Variants in NFILZ observed in about 807,000 individuals in gnomAD.
NFILZ encodes the protein NFIL3 like protein.
chr19:8,636,700 G>A (rs1472124542), intron 3 of NFILZ, among the ~76,000 whole-genome samples: 1 of 151,752 alleles, frequency 6.6e-6, no homozygotes, highest in Non-Finnish European at 1.5e-5. Flanking sequence ...CAGGTGATCA[G>A]CTTGCCTTGG....
chr19:8,666,290 G>A (rs1424293563), intron 3 of NFILZ, among the ~76,000 whole-genome samples: 3 of 151,680 alleles, frequency 2.0e-5, no homozygotes, highest in African/African-American at 7.3e-5. Flanking sequence ...TGCCATCACA[G>A]CTCATTGCAA....
intron 3 of NFILZ, among the ~76,000 whole-genome samples, chr19:8,645,628 C>T (rs1256734683): frequency 1.3e-5 from 2 of 152,136 alleles, no homozygotes; most frequent in African/African-American, 4.8e-5. Flanking sequence ...CTCCCTTTTT[C>T]TTTCTTGGGA....
At chr19:8,659,416 G>A (rs1166677828) in intron 3 of NFILZ, among the ~76,000 whole-genome samples, 1 of 152,124 alleles carries the variant, frequency 6.6e-6, no homozygotes, top group Admixed American at 6.6e-5. Context: ...GGGGGATAGA[G>A]GAATTAGGGG....
chr19:8,663,434 A>AC (rs1479057572), intron 3 of NFILZ, among the ~76,000 whole-genome samples: 3 of 26,338 alleles, frequency 1.1e-4, no homozygotes, highest in African/African-American at 2.8e-4. Flanking sequence ...GTGGAGGGGG[A>AC]GCTGGTGGTG....
intron 3 of NFILZ, among the ~76,000 whole-genome samples, chr19:8,645,352 T>G (rs1317257331): frequency 6.6e-6 from 1 of 150,952 alleles, no homozygotes; most frequent in African/African-American, 2.4e-5. Flanking sequence ...TTGCCCAGGC[T>G]GGTCTTCAAC....
At chr19:8,666,619 C>T (rs1555749837) in intron 3 of NFILZ, among the ~76,000 whole-genome samples, 1 of 152,108 alleles carries the variant, frequency 6.6e-6, no homozygotes, top group African/African-American at 2.4e-5. Context: ...ATCCCATGGC[C>T]AATATTGGCT....
chr19:8,646,722 C>G (rs759976466), intron 3 of NFILZ, among the ~76,000 whole-genome samples: 9 of 152,188 alleles, frequency 5.9e-5, no homozygotes, highest in Non-Finnish European at 1.3e-4. Flanking sequence ...CAGCCCTCAC[C>G]GAGCTCCTCT....
intron 2 of NFILZ, among the ~76,000 whole-genome samples, chr19:8,633,345 G>A (rs1189359697): frequency 2.6e-5 from 4 of 152,098 alleles, no homozygotes; most frequent in Non-Finnish European, 5.9e-5. Context: ...TAATAAGCTT[G>A]CTTTCACTTT....
rs951604711 is a variant in NFILZ, at chr19:8,680,748, G to A, written c.*3113G>A. Among the ~76,000 whole-genome samples, 2 of 152,182 alleles carry A rather than the reference G, an allele frequency of 1.3e-5. No individual in the cohort carries two copies. The highest frequency in any genetic ancestry group is 4.8e-5 in the African/African-American group (2 of 41,438). The stretch of plus-strand genomic sequence containing the variant: ...AATAGGGAGATCAGGATTGAAATAG[G>A]GGGATCTCAGCCTTGCTGAGAAAGT... On this transcript the variant is annotated 3_prime_UTR_variant, in exon 6 of 6. Transcript: ENST00000691075.
intron 3 of NFILZ, among the ~76,000 whole-genome samples, chr19:8,641,385 T>A (rs2042918459): frequency 6.6e-6 from 1 of 152,264 alleles, no homozygotes; most frequent in South Asian, 2.1e-4. Flanking sequence ...CTGGACCACA[T>A]ACTTGTTTAG....
At chr19:8,663,718 G>GTA (rs1600151745) in intron 3 of NFILZ, among the ~76,000 whole-genome samples, 2 of 145,142 alleles carry the variant, frequency 1.4e-5, no homozygotes, top group East Asian at 4.2e-4. Flanking sequence ...GTGTGTGTGT[G>GTA]TGTTTGTGTG....
At chr19:8,649,274 AT>A (rs34222003) in intron 3 of NFILZ, among the ~76,000 whole-genome samples, 7 of 147,100 alleles carry the variant, frequency 4.8e-5, no homozygotes, top group African/African-American at 1.5e-4. Context: ...CAATTAAGCA[AT>A]TTTTTTTTGA....
rs201771278 is a variant in NFILZ at position 8,647,587 on chromosome 19, C to CAA, written c.-164+11847_-164+11848dup. On this transcript the variant is annotated intron_variant, in intron 3 of 5. Coordinates refer to ENST00000691075, the MANE Select transcript of NFILZ (RefSeq NM_001378600.1). Reference sequence around the variant, plus strand: ...CATTCTGTCCCCGCACCCCCCCCCCCAAAAAAAGGGAACGAGATCATGTCC... The same window carrying CAA: ...CATTCTGTCCCCGCACCCCCCCCCCCAAAAAAAAAGGGAACGAGATCATGTCC... 4.2e-3 allele frequency among the ~76,000 whole-genome samples: 614 copies of CAA among 146,740 alleles called. 4 individuals carry two copies. Among genetic ancestry groups the CAA allele is most frequent in the African/African-American group, 0.014 (569 of 39,908 alleles).
Position 8,679,673 on chromosome 19 carries a change from G to A in NFILZ, c.*2038G>A, listed in dbSNP as rs1166395713. ...ACCTCCTCTACTTGCTCAGCCTTTGGTTCTGGTCCAGGGCAGGGATTGGGC... is the reference window on the plus strand; with the variant it reads ...ACCTCCTCTACTTGCTCAGCCTTTGATTCTGGTCCAGGGCAGGGATTGGGC... On this transcript the variant is annotated 3_prime_UTR_variant, in exon 6 of 6. Transcript: ENST00000691075. Among the ~76,000 whole-genome samples the A allele has an allele frequency of 1.3e-5, 2 of 152,186 alleles. No homozygotes were observed. The highest frequency in any genetic ancestry group is 2.4e-5 in the African/African-American group (1 of 41,544).
chr19:8,631,830 TTGTGTG>T (rs71179868), intron 1 of NFILZ, among the ~76,000 whole-genome samples: 226 of 146,004 alleles, frequency 1.5e-3, no homozygotes, highest in African/African-American at 4.9e-3. Flanking sequence ...GTCCTCGCTT[TTGTGTG>T]TGTGTGTGTG....
intron 4 of NFILZ, among the ~76,000 whole-genome samples, chr19:8,675,756 C>T (rs2043107575): frequency 6.6e-6 from 1 of 152,280 alleles, no homozygotes; most frequent in Admixed American, 6.5e-5. Context: ...GACAGTCAGA[C>T]CATGCCTCTA....
rs1555751265 is a variant in NFILZ at position 8,680,096 on chromosome 19, T to A, written c.*2461T>A. 6.7e-6 allele frequency among the ~76,000 whole-genome samples: 1 copy of A among 148,762 alleles called. No homozygotes were observed. The highest frequency in any genetic ancestry group is 1.5e-5 in the Non-Finnish European group (1 of 67,720). The stretch of plus-strand genomic sequence containing the variant: ...CTGTAATCTCAGCTACTTGGGAGGC[T>A]GAGGCATGAAAATCACTTGAACCCA... On this transcript the variant is annotated 3_prime_UTR_variant, in exon 6 of 6. Coordinates refer to ENST00000691075, the MANE Select transcript of NFILZ (RefSeq NM_001378600.1).
At chr19:8,666,391 G>T (rs1363964395) in intron 3 of NFILZ, among the ~76,000 whole-genome samples, 1 of 151,578 alleles carries the variant, frequency 6.6e-6, no homozygotes, top group Non-Finnish European at 1.5e-5. Context: ...GCCCAGGCTG[G>T]TCTTGAACTC....
Position 8,666,896 on chromosome 19 carries a change from G to A in NFILZ, c.-163-7655G>A, listed in dbSNP as rs1185826400. On this transcript the variant is annotated intron_variant, in intron 3 of 5. Coordinates refer to ENST00000691075, the MANE Select transcript of NFILZ (RefSeq NM_001378600.1). Reference sequence around the variant, plus strand: ...ACCAGAGGTGCACACCACCATGCCCGGCTAATTTTTGAAAACTTTTTTTTT... The same window carrying A: ...ACCAGAGGTGCACACCACCATGCCCAGCTAATTTTTGAAAACTTTTTTTTT... 2.7e-5 allele frequency among the ~76,000 whole-genome samples: 4 copies of A among 148,892 alleles called. No homozygotes were observed. In the East Asian group the frequency reaches 6.1e-4, roughly 23 times the overall value.
Sources: allele counts gnomAD v4.1 joint callset (sites outside exome capture counted in the v4.1 genomes callset), GRCh38; gene constraint gnomAD v4.1.1; transcripts MANE v1.5; gene names NCBI Gene and HGNC (gene_info 2026-07-23, HGNC 2026-07-21).